Variants in SLC16A5 observed in about 807,000 individuals in gnomAD.
The protein encoded by SLC16A5 is monocarboxylate transporter 6.
A neutral mutation model predicts 33.2 loss-of-function variants in SLC16A5; 29 were observed. The observed-to-expected ratio is 0.87, with a 90% confidence interval of 0.65 to 1.19. The LOEUF is 1.19. Among genes scored for constraint, SLC16A5 ranks in the 50% most tolerant of loss-of-function variants. The probability of loss-of-function intolerance (pLI) is 0.00; values close to 1 mark genes in which losing one functional copy is unlikely to be tolerated. For missense variants in SLC16A5, 606 were observed against 678.2 expected (o/e 0.89, Z 1.18); for synonymous variants, 248 against 284.1 (o/e 0.87, Z 1.28).
At chr17:75,091,202 C>T (rs921625377) in intron 2 of SLC16A5, among the ~76,000 whole-genome samples, 4 of 151,838 alleles carry the variant, frequency 2.6e-5, no homozygotes, top group East Asian at 3.9e-4. Context: ...AGTGGGAGAG[C>T]GGAAGAGCTG....
At chr17:75,089,578 A>AC (rs2073610634) in intron 2 of SLC16A5, among the ~76,000 whole-genome samples, 1 of 151,376 alleles carries the variant, frequency 6.6e-6, no homozygotes. Flanking sequence ...ATATGGTGAA[A>AC]CCCCGTCTCT....
intron 2 of SLC16A5, among the ~76,000 whole-genome samples, chr17:75,091,874 A>G (rs1246989348): frequency 1.3e-5 from 2 of 152,134 alleles, no homozygotes; most frequent in Admixed American, 1.3e-4. Context: ...GAGGCAGGAT[A>G]GGAGGGGGTT....
chr17:75,105,938 C>G lies in SLC16A5; in HGVS notation c.1423C>G (p.Pro475Ala). ...CGTCAATAAGCATCTTTGGGGATGT[C>G]CTGCCTCCTCCAGGACCAGCCATGA... ...AGVNKHLWGC[P>A]ASSRTSHEWL... is the part of the protein sequence containing the mutation. The change falls in exon 7 of 7, where the codon CCT (proline) becomes GCT (alanine). Residue 475 changes from proline to alanine, a missense_variant. Transcript: ENST00000329783. 4 of 1,612,242 alleles carry G rather than the reference C, an allele frequency of 2.5e-6. No individual in the cohort carries two copies. The highest frequency in any genetic ancestry group is 3.4e-6 in the Non-Finnish European group (4 of 1,178,826).
intron 5 of SLC16A5, among the ~76,000 whole-genome samples, chr17:75,102,888 C>T (rs901667202): frequency 5.2e-5 from 7 of 135,076 alleles, no homozygotes; most frequent in Admixed American, 1.5e-4. Flanking sequence ...ACGCGCCACA[C>T]GCCCGGCTAA....
At position 75,104,188 on chromosome 17, in the gene SLC16A5, A is replaced by T. The variant is rs778784673; in HGVS notation, c.1364+8A>T. 1 of 1,613,614 alleles carries T rather than the reference A, an allele frequency of 6.2e-7. No homozygotes were observed. Among genetic ancestry groups the T allele is most frequent in the Admixed American group, 1.7e-5 (1 of 59,932 alleles). On this transcript the variant is annotated splice_region_variant and intron_variant, in intron 6 of 6. Transcript: ENST00000329783. ...ACGGTCCCCTGAGATCATGTATGTA[A>T]CCAGCGTCTAAGACCCAGGGTTCAT...
intron 5 of SLC16A5, 115 bp from the exon 6 acceptor site, chr17:75,103,855 A>T: frequency 1.1e-6 from 1 of 874,644 alleles, no homozygotes; most frequent in Non-Finnish European, 1.8e-6. Flanking sequence ...ACTGGGTGTC[A>T]GCCACAATTC....
chr17:75,095,678 T>A (rs1300186657), intron 3 of SLC16A5, among the ~76,000 whole-genome samples: 1 of 149,598 alleles, frequency 6.7e-6, no homozygotes, highest in Non-Finnish European at 1.5e-5. Flanking sequence ...TTTTTTTTTT[T>A]AGATGGAGTC....
Position 75,089,494 on chromosome 17 carries a change from C to A in SLC16A5, c.-49+190C>A, listed in dbSNP as rs573901107. ...AACAGGCCAGGTGCGGTGTCTCACACCTGTAATCCCAGCACTTTGGGAGGC... is the reference window on the plus strand; with the variant it reads ...AACAGGCCAGGTGCGGTGTCTCACAACTGTAATCCCAGCACTTTGGGAGGC... On this transcript the variant is annotated intron_variant, in intron 2 of 6. Transcript: ENST00000329783. 4.6e-5 allele frequency among the ~76,000 whole-genome samples: 7 copies of A among 152,164 alleles called. No individual in the cohort carries two copies. In the South Asian group the frequency reaches 1.5e-3, roughly 32 times the overall value.
chr17:75,104,462 C>G (rs963071793), intron 6 of SLC16A5: 20 of 1,194,502 alleles, frequency 1.7e-5, no homozygotes, highest in African/African-American at 1.6e-5. Context: ...TCTTGTTGCC[C>G]AGGCTGGAGT....
Position 75,105,877 on chromosome 17 carries a change from C to G in SLC16A5, c.1365-3C>G. The G allele has an allele frequency of 3.1e-6, 5 of 1,590,558 alleles. No individual in the cohort carries two copies. Among genetic ancestry groups the G allele is most frequent in the Non-Finnish European group, 4.3e-6 (5 of 1,165,148 alleles). ...TATCAGGAGATTTTATTTTCATGAA[C>G]AGGTGCCAGTCTTCCCGCCAGCCAC... On this transcript the variant is annotated splice_region_variant and splice_polypyrimidine_tract_variant and intron_variant, in intron 6 of 6. Coordinates refer to ENST00000329783, the MANE Select transcript of SLC16A5 (RefSeq NM_004695.4).
chr17:75,088,217 G>C (rs2073593366), intron 1 of SLC16A5, among the ~76,000 whole-genome samples, 173 bp downstream of exon 1: 1 of 152,224 alleles, frequency 6.6e-6, no homozygotes, highest in Non-Finnish European at 1.5e-5. Flanking sequence ...GCTGCCCCGG[G>C]GCCTGGGGTG....
downstream of SLC16A5, among the ~76,000 whole-genome samples, chr17:75,107,805 C>A (rs535840998): frequency 6.6e-6 from 1 of 152,074 alleles, no homozygotes; most frequent in Non-Finnish European, 1.5e-5. Context: ...GGCGTCGTGG[C>A]GGGTGCCTGT....
At chr17:75,088,214 C>T (rs566748734) in intron 1 of SLC16A5, among the ~76,000 whole-genome samples, 170 bp downstream of exon 1, 3 of 152,330 alleles carry the variant, frequency 2.0e-5, no homozygotes, top group African/African-American at 7.2e-5. Context: ...TGGGCTGCCC[C>T]GGGGCCTGGG....
intron 5 of SLC16A5, among the ~76,000 whole-genome samples, chr17:75,102,582 T>C (rs1164786727): frequency 6.6e-6 from 1 of 152,062 alleles, no homozygotes; most frequent in Non-Finnish European, 1.5e-5. Context: ...TCTGAGCAAA[T>C]GAGGGCAGGT....
intron 3 of SLC16A5, among the ~76,000 whole-genome samples, chr17:75,096,020 G>A (rs1329971923): frequency 1.3e-5 from 2 of 151,646 alleles, no homozygotes; most frequent in African/African-American, 4.9e-5. Context: ...GCTCAGGCTG[G>A]TCTCAAACTC....
At chr17:75,092,728 G>A (rs139196760) in intron 2 of SLC16A5, among the ~76,000 whole-genome samples, 11 of 151,618 alleles carry the variant, frequency 7.3e-5, no homozygotes, top group African/African-American at 1.9e-4. Context: ...GTGTGTGTGC[G>A]TGTGTCTGTA....
chr17:75,099,622 A>G (rs1268294490), intron 4 of SLC16A5, among the ~76,000 whole-genome samples: 1 of 152,032 alleles, frequency 6.6e-6, no homozygotes, highest in East Asian at 1.9e-4. Flanking sequence ...ATTTTTTTGT[A>G]TTTTTAGTAG....
At chr17:75,105,229 G>A in intron 6 of SLC16A5, 6 of 985,412 alleles carry the variant, frequency 6.1e-6, no homozygotes, top group Non-Finnish European at 7.2e-6. Context: ...GAAGTCTGAG[G>A]GCCCCCCTGC....
At chr17:75,096,337 C>CACCCCT (rs1000864066) in intron 3 of SLC16A5, among the ~76,000 whole-genome samples, 1 of 150,638 alleles carries the variant, frequency 6.6e-6, no homozygotes, top group Non-Finnish European at 1.5e-5. Flanking sequence ...TCCCCACCCC[C>CACCCCT]ACCCCTGTGA....
Sources: allele counts gnomAD v4.1 joint callset (sites outside exome capture counted in the v4.1 genomes callset), GRCh38; gene constraint gnomAD v4.1.1; transcripts MANE v1.5; gene names NCBI Gene and HGNC (gene_info 2026-07-23, HGNC 2026-07-21).